ZBTB8B: variants seen among roughly 807,000 people sequenced by gnomAD.
ZBTB8B encodes the protein zinc finger and BTB domain containing 8B.
ZBTB8B carries 17 observed loss-of-function variants against 30.3 expected under a neutral mutation model. That is an observed-to-expected ratio of 0.56 (90% CI 0.38 to 0.84). ZBTB8B has a LOEUF of 0.84. Among genes scored for constraint, ZBTB8B ranks in the 40% least tolerant of loss-of-function variants. The pLI, the probability that ZBTB8B is intolerant of heterozygous loss-of-function variation, is 0.00. For synonymous variants in ZBTB8B, 248 were observed against 255.6 expected (o/e 0.97, Z 0.28); for missense variants, 515 against 644.9 (o/e 0.80, Z 2.18).
chr1:32,472,472 G>A (rs1474354801), intron 2 of ZBTB8B, among the ~76,000 whole-genome samples: 1 of 152,114 alleles, frequency 6.6e-6, no homozygotes, highest in Non-Finnish European at 1.5e-5. Flanking sequence ...GTTTTGTGTG[G>A]GGAGAATGAG....
In ZBTB8B at chr1:32,470,982, T is replaced by A. The variant is rs1293155512; in HGVS notation, c.358T>A (p.Ser120Thr). ...GAACTTCTGCAAGACATACATTAGG[T>A]CATCCCTCGACATTTGCCGAAAGAT... The part of the protein sequence containing the change: ...VVNFCKTYIR[S>T]SLDICRKMEK... The change falls in exon 2 of 4, where the codon TCA becomes ACA. Residue 120 changes from serine (S) to threonine (T), a missense_variant. Coordinates refer to ENST00000609129, the MANE Select transcript of ZBTB8B (RefSeq NM_001145720.2). 6.4e-7 allele frequency: 1 copy of A among 1,552,124 alleles called. No homozygotes were observed. The highest frequency in any genetic ancestry group is 1.4e-5 in the African/African-American group (1 of 73,048).
chr1:32,485,973 G>A lies in ZBTB8B; in HGVS notation c.*555G>A, dbSNP rs1161442266. 1 of 154,560 alleles carries A rather than the reference G, an allele frequency of 6.5e-6. No individual in the cohort carries two copies. The highest frequency in any genetic ancestry group is 1.4e-5 in the Non-Finnish European group (1 of 69,708). The allele number at this position is 154,560 out of a possible 1,614,324, so 9.6% of individuals were successfully genotyped here. On this transcript the variant is annotated 3_prime_UTR_variant, in exon 4 of 4. Coordinates refer to ENST00000609129, the MANE Select transcript of ZBTB8B (RefSeq NM_001145720.2). ...CCCTAAATCTAGAACAATTTTAAAG[G>A]CTTGGAATACTTATGGGCAGACGAA... is the stretch of plus-strand genomic sequence containing the variant.
At position 32,470,226 on chromosome 1, in the gene ZBTB8B, C is replaced by T. The variant is rs374975875; in HGVS notation, c.-41-358C>T. Reference sequence around the variant, plus strand: ...TTTAAAAGAAATCTTATTGGCCGGGCGTGGTGGCTCACGCCTGTAATCCCA... The same window carrying T: ...TTTAAAAGAAATCTTATTGGCCGGGTGTGGTGGCTCACGCCTGTAATCCCA... On this transcript the variant is annotated intron_variant, in intron 1 of 3. Coordinates refer to ENST00000609129, the MANE Select transcript of ZBTB8B (RefSeq NM_001145720.2). Among the ~76,000 whole-genome samples the T allele has an allele frequency of 7.8e-4, 119 of 152,108 alleles. 1 individual carries two copies. The South Asian group carries it at 0.02, about 26-fold the overall frequency.
chr1:32,472,232 T>C (rs1049645665), intron 2 of ZBTB8B, among the ~76,000 whole-genome samples: 4 of 152,182 alleles, frequency 2.6e-5, no homozygotes, highest in Non-Finnish European at 4.4e-5. Flanking sequence ...GGAATGTAAG[T>C]GTGTTGGGGG....
intron 1 of ZBTB8B, among the ~76,000 whole-genome samples, chr1:32,468,279 G>A (rs553557502): frequency 1.3e-5 from 2 of 152,252 alleles, no homozygotes; most frequent in Non-Finnish European, 2.9e-5. Context: ...TTGTTAGGCT[G>A]ACTTCCCTGG....
intron 2 of ZBTB8B, among the ~76,000 whole-genome samples, chr1:32,471,892 CATCATCACT>C (rs1005126583): frequency 5.3e-5 from 8 of 151,796 alleles, no homozygotes; most frequent in African/African-American, 1.9e-4. Context: ...TCAGTACCAT[CATCATCACT>C]ATCATCATCA....
chr1:32,469,681 C>G (rs1284918689), intron 1 of ZBTB8B, among the ~76,000 whole-genome samples: 1 of 152,176 alleles, frequency 6.6e-6, no homozygotes, highest in African/African-American at 2.4e-5. Flanking sequence ...TCTGTTACAA[C>G]TGGGTCATCT....
At chr1:32,472,049 C>T (rs1557681282) in intron 2 of ZBTB8B, among the ~76,000 whole-genome samples, 1 of 152,126 alleles carries the variant, frequency 6.6e-6, no homozygotes, top group Non-Finnish European at 1.5e-5. Context: ...TCATTACCAT[C>T]ATCACCAGTA....
chr1:32,470,499 C>CA (rs60700558), intron 1 of ZBTB8B, 85 bp from the exon 2 acceptor site: 29,465 of 355,758 alleles, frequency 0.083, 2,692 homozygotes, highest in African/African-American at 0.24. Context: ...GACGCTGACT[C>CA]AAAAAAAAAA....
At chr1:32,472,138 C>T (rs1054660399) in intron 2 of ZBTB8B, among the ~76,000 whole-genome samples, 1 of 152,208 alleles carries the variant, frequency 6.6e-6, no homozygotes, top group African/African-American at 2.4e-5. Context: ...GCCACCACCA[C>T]CACCACCAAT....
In ZBTB8B at chr1:32,486,001, T is replaced by C. The variant is rs926091502; in HGVS notation, c.*583T>C. 5 of 153,704 alleles carry C rather than the reference T, an allele frequency of 3.3e-5. No individual in the cohort carries two copies. Among genetic ancestry groups the C allele is most frequent in the African/African-American group, 1.2e-4 (5 of 41,574 alleles). The allele number at this position is 153,704 out of a possible 1,614,324, so 9.5% of individuals were successfully genotyped here. On this transcript the variant is annotated 3_prime_UTR_variant, in exon 4 of 4. Coordinates refer to ENST00000609129, the MANE Select transcript of ZBTB8B (RefSeq NM_001145720.2). ...TGGAATACTTATGGGCAGACGAACA[T>C]GGGAATGATCTGAAAGGCTCATTAT...
At chr1:32,478,453 A>T (rs1643680082) in intron 2 of ZBTB8B, among the ~76,000 whole-genome samples, 1 of 152,164 alleles carries the variant, frequency 6.6e-6, no homozygotes, top group South Asian at 2.1e-4. Flanking sequence ...CGGAGGTTGC[A>T]GTGAGCCAAG....
At position 32,483,244 on chromosome 1, in the gene ZBTB8B, C is replaced by CAAAAAAAAAAAA. The variant is rs59559091; in HGVS notation, c.1171-1837_1171-1826dup. ...CGAAACCCCTTATCTACTAAAAATCCAAAAAAAAAAAAAAAAAAAAAAAAA... is the reference window on the plus strand; with the variant it reads ...CGAAACCCCTTATCTACTAAAAATCCAAAAAAAAAAAAAAAAAAAAAAAAAAAAAAAAAAAAA... On this transcript the variant is annotated intron_variant, in intron 3 of 3. Transcript: ENST00000609129. Among the ~76,000 whole-genome samples, 47 of 56,346 alleles carry CAAAAAAAAAAAA rather than the reference C, an allele frequency of 8.3e-4. 9 individuals carry two copies. Among genetic ancestry groups the CAAAAAAAAAAAA allele is most frequent in the South Asian group, 2.2e-3 (3 of 1,392 alleles). 37.0% of individuals were successfully genotyped at this position (56,346 alleles called of 152,430 possible).
intron 1 of ZBTB8B, among the ~76,000 whole-genome samples, chr1:32,468,791 G>C (rs1643593191): frequency 6.6e-6 from 1 of 151,650 alleles, no homozygotes; most frequent in Non-Finnish European, 1.5e-5. Context: ...AATATGGAAG[G>C]CGGAGGTTGC....
In ZBTB8B at chr1:32,480,972, G is replaced by A. The variant is rs1271456926; in HGVS notation, c.1073G>A (p.Arg358Gln). Residue 358 changes from arginine to glutamine, a missense_variant, in exon 3 of 4, where the codon CGG (arginine) becomes CAG (glutamine). Transcript: ENST00000609129. The stretch of plus-strand genomic sequence containing the variant: ...GCCAAACAGAAGGGCATCCTCAAGC[G>A]GCACATCCGTTCACACACAGGCGAG... ...YTAKQKGILK[R>Q]HIRSHTGERP... 7 of 1,552,176 alleles carry A rather than the reference G, an allele frequency of 4.5e-6. No individual in the cohort carries two copies. Among genetic ancestry groups the A allele is most frequent in the Middle Eastern group, 1.7e-4 (1 of 6,018 alleles).
At chr1:32,468,669 T>C (rs1336610929) in intron 1 of ZBTB8B, among the ~76,000 whole-genome samples, 3 of 152,180 alleles carry the variant, frequency 2.0e-5, no homozygotes, top group East Asian at 3.9e-4. Context: ...GTGACCAGCC[T>C]GGGTAACACA....
At chr1:32,467,770 G>A (rs990577209) in intron 1 of ZBTB8B, among the ~76,000 whole-genome samples, 1 of 152,076 alleles carries the variant, frequency 6.6e-6, no homozygotes, top group Non-Finnish European at 1.5e-5. Flanking sequence ...GTTAACCAAG[G>A]GTAGTGGAAT....
rs1643620032 is a variant in ZBTB8B at position 32,471,430 on chromosome 1, A to G, written c.806A>G (p.Asp269Gly). 1.9e-6 allele frequency: 3 copies of G among 1,551,828 alleles called. No homozygotes were observed. The highest frequency in any genetic ancestry group is 2.6e-6 in the Non-Finnish European group (3 of 1,147,016). ...GCCTTGCCAAGCGGCCAGGCGGTTGACTTGGCTTACAGCAACTACCACGTG... is the reference window on the plus strand; with the variant it reads ...GCCTTGCCAAGCGGCCAGGCGGTTGGCTTGGCTTACAGCAACTACCACGTG... ...EEALPSGQAV[D>G]LAYSNYHVKQ... Residue 269 changes from aspartate (D) to glycine (G), a missense_variant, in exon 2 of 4, where the codon GAC becomes GGC. By Grantham distance (94) the Asp-to-Gly change is moderately conservative. Coordinates refer to ENST00000609129, the MANE Select transcript of ZBTB8B (RefSeq NM_001145720.2).
Position 32,471,789 on chromosome 1 carries a change from T to TTACCATCATCAC in ZBTB8B, c.991+187_991+198dup, listed in dbSNP as rs1267634021. Among the ~76,000 whole-genome samples the TTACCATCATCAC allele has an allele frequency of 5.3e-5, 8 of 151,934 alleles. No individual in the cohort carries two copies. The East Asian group carries it at 7.8e-4, about 15-fold the overall frequency. Reference sequence around the variant, plus strand: ...ACCATCATCACCAGTATCGTCATCATTACCATCATCACTACCATCATCACC... The same window carrying TTACCATCATCAC: ...ACCATCATCACCAGTATCGTCATCATTACCATCATCACTACCATCATCACTACCATCATCACC... On this transcript the variant is annotated intron_variant, in intron 2 of 3. Coordinates refer to ENST00000609129, the MANE Select transcript of ZBTB8B (RefSeq NM_001145720.2).
Sources: allele counts gnomAD v4.1 joint callset (sites outside exome capture counted in the v4.1 genomes callset), GRCh38; gene constraint gnomAD v4.1.1; transcripts MANE v1.5; gene names NCBI Gene and HGNC (gene_info 2026-07-23, HGNC 2026-07-21).